Variants in RNF170 observed in about 807,000 individuals in gnomAD.
The protein encoded by RNF170 is E3 ubiquitin-protein ligase RNF170.
In RNF170, 12 loss-of-function variants were observed where a neutral mutation model predicts 32.7. The observed-to-expected ratio is 0.37, with a 90% CI of 0.24 to 0.60. The LOEUF (loss-of-function observed/expected upper bound fraction) is 0.60, where lower values mean the gene tolerates loss of function less well. Ranked by LOEUF, RNF170 falls within the 20% of genes least tolerant of loss-of-function variation. The pLI is 0.72. For synonymous variants in RNF170, 91 were observed against 103.6 expected, an observed-to-expected ratio of 0.88 and a Z score of 0.74; for missense variants, 212 against 311.2, an observed-to-expected ratio of 0.68 and a Z score of 2.40.
At chr8:42,897,095 G>A, upstream of RNF170, 1 of 1,239,370 alleles carries the variant, frequency 8.1e-7, no homozygotes, top group Non-Finnish European at 1.0e-6. Flanking sequence ...GCGGTGTCTG[G>A]CCAGGCGGTA....
chr8:42,888,792 A>C (rs1744897527), intron 1 of RNF170, among the ~76,000 whole-genome samples: 1 of 144,744 alleles, frequency 6.9e-6, no homozygotes, highest in Non-Finnish European at 1.5e-5. Context: ...CCAACCAAAA[A>C]CAATAAATAA....
intron 2 of RNF170, among the ~76,000 whole-genome samples, chr8:42,875,826 C>T (rs1332307566): frequency 1.3e-5 from 2 of 152,234 alleles, no homozygotes; most frequent in South Asian, 2.1e-4. Context: ...CTGCCTGCCA[C>T]GGCCTCCCAA....
intron 4 of RNF170, among the ~76,000 whole-genome samples, chr8:42,868,356 A>T (rs961720405): frequency 6.6e-5 from 10 of 152,236 alleles, no homozygotes; most frequent in Non-Finnish European, 2.9e-5. Flanking sequence ...CTACATGTTA[A>T]ATTAGTCCCT....
intron 1 of RNF170, among the ~76,000 whole-genome samples, chr8:42,892,074 C>T (rs1806350143): frequency 1.3e-5 from 2 of 152,294 alleles, no homozygotes; most frequent in South Asian, 4.1e-4. Flanking sequence ...TCCGGAGGCA[C>T]CTACACTGAC....
intron 3 of RNF170, among the ~76,000 whole-genome samples, chr8:42,871,546 G>T (rs145531952): frequency 6.6e-6 from 1 of 151,984 alleles, no homozygotes; most frequent in African/African-American, 2.4e-5. Flanking sequence ...GCTACAAAAA[G>T]TGTACAGCAC....
intron 4 of RNF170, 99 bp downstream of exon 4, chr8:42,869,905 C>T: frequency 1.2e-6 from 1 of 827,406 alleles, no homozygotes; most frequent in Non-Finnish European, 2.1e-6. Flanking sequence ...TCACAAAATA[C>T]AAAATGTGAC....
intron 3 of RNF170, 51 bp from the exon 4 acceptor site, chr8:42,870,163 A>G: frequency 8.0e-7 from 1 of 1,243,410 alleles, no homozygotes; most frequent in South Asian, 1.2e-5. Context: ...GTGGCCCTCA[A>G]CAGTATCTCA....
intron 1 of RNF170, among the ~76,000 whole-genome samples, chr8:42,890,838 G>C (rs1806241547): frequency 1.3e-5 from 2 of 152,092 alleles, no homozygotes; most frequent in Non-Finnish European, 2.9e-5. Flanking sequence ...TTCTGCCATA[G>C]TTTCTCATAA....
rs771580444 is a variant in RNF170, at chr8:42,889,899, A to G, written c.-7-2028T>C. Reference sequence around the variant, plus strand: ...AATTAGAGGTGCTGTAGCTGTTTCAAAAGTCCTAAGGGCACTGAGAACTAC... The same window carrying G: ...AATTAGAGGTGCTGTAGCTGTTTCAGAAGTCCTAAGGGCACTGAGAACTAC... On this transcript the variant is annotated intron_variant, in intron 1 of 6. Transcript: ENST00000527424. Among the ~76,000 whole-genome samples, 4 of 152,294 alleles carry G rather than the reference A, an allele frequency of 2.6e-5. No homozygotes were observed. In the South Asian group the frequency reaches 8.3e-4, roughly 32 times the overall value.
chr8:42,885,094 T>C (rs182415130), intron 2 of RNF170, among the ~76,000 whole-genome samples: 54 of 151,782 alleles, frequency 3.6e-4, no homozygotes, highest in Non-Finnish European at 5.3e-4. Flanking sequence ...TCTCTGCTTC[T>C]GTGAATTCAA....
chr8:42,866,866 T>C (rs1804122883), intron 4 of RNF170, among the ~76,000 whole-genome samples: 1 of 152,090 alleles, frequency 6.6e-6, no homozygotes, highest in African/African-American at 2.4e-5. Context: ...TTTTGAATAC[T>C]GTCTGGGATT....
downstream of RNF170, chr8:42,850,841 A>G: frequency 6.4e-7 from 1 of 1,551,604 alleles, no homozygotes. Context: ...GTGAAGCATA[A>G]ACGTGGTGAG....
chr8:42,853,322 A>G lies in RNF170; in HGVS notation c.*2837T>C, dbSNP rs1802997182. 3.3e-6 allele frequency: 4 copies of G among 1,211,784 alleles called. No homozygotes were observed. The African/African-American group carries it at 6.3e-5, about 19-fold the overall frequency. 75.1% of individuals were successfully genotyped at this position (1,211,784 alleles called of 1,614,324 possible). ...AAAATGTTTTAGATATGTTGCTTTT[A>G]TTCAAAAGAATAAAATGCTTGACAA... On this transcript the variant is annotated 3_prime_UTR_variant, in exon 7 of 7. Coordinates refer to ENST00000527424, the MANE Select transcript of RNF170 (RefSeq NM_030954.4).
chr8:42,863,745 C>A (rs1219216284), intron 5 of RNF170, among the ~76,000 whole-genome samples: 3 of 152,132 alleles, frequency 2.0e-5, no homozygotes, highest in African/African-American at 4.8e-5. Flanking sequence ...CGGCCATAAG[C>A]TTCAATGTTG....
chr8:42,893,973 A>C (rs1806526341), intron 1 of RNF170, among the ~76,000 whole-genome samples: 1 of 152,200 alleles, frequency 6.6e-6, no homozygotes, highest in African/African-American at 2.4e-5. Flanking sequence ...GCATTTCCAA[A>C]GCTTTCAGGG....
chr8:42,853,432 C>T lies in RNF170; in HGVS notation c.*2727G>A. The T allele has an allele frequency of 7.8e-7, 1 of 1,287,118 alleles. No individual in the cohort carries two copies. The highest frequency in any genetic ancestry group is 1.0e-6 in the Non-Finnish European group (1 of 988,632). The allele number at this position is 1,287,118 out of a possible 1,614,324, so 79.7% of individuals were successfully genotyped here. ...AGGTATCTGCATAGCCACAAGGGAT[C>T]CACATAGTCCTTTCTTCCCTTGTAC... On this transcript the variant is annotated 3_prime_UTR_variant, in exon 7 of 7. Transcript: ENST00000527424.
At chr8:42,873,897 A>T (rs745625631) in intron 3 of RNF170, 34 bp downstream of exon 3, 2 of 1,168,636 alleles carry the variant, frequency 1.7e-6, no homozygotes, top group South Asian at 2.4e-5. Context: ...GGGAGCTATC[A>T]CATCTACTCC....
chr8:42,850,502 C>T, downstream of RNF170: 2 of 417,794 alleles, frequency 4.8e-6, no homozygotes, highest in Non-Finnish European at 8.9e-6. Context: ...CCTGTCTTTC[C>T]CTTGCTTTAT....
chr8:42,893,092 A>C (rs1210555467), intron 1 of RNF170, among the ~76,000 whole-genome samples: 1 of 147,596 alleles, frequency 6.8e-6, no homozygotes, highest in Non-Finnish European at 1.5e-5. Context: ...AAAAATTAAA[A>C]ATACATTTTT....
Sources: gnomAD v4.1 joint callset for allele counts (sites outside exome capture counted in the v4.1 genomes callset) on GRCh38, gnomAD v4.1.1 for gene constraint, MANE v1.5 for transcripts, NCBI Gene and HGNC (gene_info 2026-07-23, HGNC 2026-07-21) for gene names.